Variants in TENM1 observed in about 807,000 individuals in gnomAD.
TENM1 encodes the protein teneurin-1.
A neutral mutation model predicts 174.8 loss-of-function variants in TENM1; 35 were observed. That is an observed-to-expected ratio of 0.20 (90% CI 0.15 to 0.27). TENM1 has a LOEUF of 0.27. TENM1 is among the 10% of genes least tolerant of loss of function. The pLI is 1.00. For synonymous variants in TENM1, 781 were observed against 798.7 expected, an observed-to-expected ratio of 0.98 and a Z score of 0.37; for missense variants, 1,633 against 2,130.1, an observed-to-expected ratio of 0.77 and a Z score of 4.59.
At chrX:124,545,824 T>C (rs1212890295) in intron 15 of TENM1, among the ~76,000 whole-genome samples, 1 of 111,680 alleles carries the variant, frequency 9.0e-6, no homozygotes, top group East Asian at 2.8e-4. Context: ...TGTGATTCAC[T>C]GGCAGTTGGA....
chrX:125,096,157 A>C, the TENM1 span, among the ~76,000 whole-genome samples: 1 of 111,975 alleles, frequency 8.9e-6, no homozygotes, highest in Admixed American at 9.5e-5. Flanking sequence ...AGAATGTACA[A>C]GATGACTTAG....
At chrX:124,808,733 G>A (rs1416566510) in intron 3 of TENM1, among the ~76,000 whole-genome samples, 1 of 111,677 alleles carries the variant, frequency 9.0e-6, no homozygotes, top group Non-Finnish European at 1.9e-5. Context: ...TAACCAGTGG[G>A]CCAATGATGA....
the TENM1 span, among the ~76,000 whole-genome samples, chrX:125,133,075 C>G: frequency 4.5e-5 from 5 of 110,923 alleles, no homozygotes; most frequent in South Asian, 3.9e-4. Flanking sequence ...CTCACTGCAA[C>G]CTCCGCCTCC....
chrX:124,660,552 A>G (rs2051573604), intron 6 of TENM1, among the ~76,000 whole-genome samples: 1 of 111,727 alleles, frequency 9.0e-6, no homozygotes, highest in African/African-American at 3.3e-5. Context: ...TAATTGAAAA[A>G]AGAGCAAATG....
intron 15 of TENM1, among the ~76,000 whole-genome samples, chrX:124,544,326 G>A (rs1050590236): frequency 4.4e-4 from 49 of 112,150 alleles, no homozygotes; most frequent in African/African-American, 1.3e-3. Context: ...TTCTGGGTTC[G>A]AAATCTGACT....
In TENM1 at chrX:124,757,487, T is replaced by A. The variant is rs1290866291; in HGVS notation, c.536-20290A>T. Among the ~76,000 whole-genome samples the A allele has an allele frequency of 2.7e-5, 3 of 112,509 alleles. No individual in the cohort carries two copies. In the East Asian group the frequency reaches 8.4e-4, roughly 32 times the overall value. On this transcript the variant is annotated intron_variant, in intron 3 of 31. Coordinates refer to ENST00000422452, the Ensembl canonical transcript of TENM1. ...TCGCCGTGCTTCGGCTCGCACACGGTGCACTGCACCCACTGTCCTGCACCC... is the reference window on the plus strand; with the variant it reads ...TCGCCGTGCTTCGGCTCGCACACGGAGCACTGCACCCACTGTCCTGCACCC...
chrX:124,465,559 T>C (rs1465457592), intron 22 of TENM1, among the ~76,000 whole-genome samples: 4 of 112,072 alleles, frequency 3.6e-5, no homozygotes, highest in African/African-American at 1.3e-4. Context: ...ATCTTAGTTA[T>C]GCCTTATTCC....
At chrX:124,664,986 G>A (rs752843925) in intron 6 of TENM1, among the ~76,000 whole-genome samples, 9 of 111,545 alleles carry the variant, frequency 8.1e-5, no homozygotes, top group Non-Finnish European at 1.3e-4. Context: ...TATGTCTATT[G>A]TCTATTGCGC....
chrX:124,985,465 A>T, the TENM1 span, among the ~76,000 whole-genome samples: 2 of 112,214 alleles, frequency 1.8e-5, no homozygotes, highest in Non-Finnish European at 3.8e-5. Context: ...ACACATGGGT[A>T]ATATCCACTA....
At chrX:124,565,125 A>G (rs1022388406) in intron 12 of TENM1, among the ~76,000 whole-genome samples, 11 of 112,186 alleles carry the variant, frequency 9.8e-5, no homozygotes. Flanking sequence ...AGTAACTCAA[A>G]GCACTTGAAA....
At chrX:124,559,225 G>A (rs1264614800) in intron 14 of TENM1, among the ~76,000 whole-genome samples, 1 of 111,853 alleles carries the variant, frequency 8.9e-6, no homozygotes, top group Non-Finnish European at 1.9e-5. Context: ...ACATAACTGA[G>A]AAATTCCTAT....
upstream of TENM1, among the ~76,000 whole-genome samples, chrX:124,965,060 T>A (rs2058707426): frequency 9.9e-6 from 1 of 101,386 alleles, no homozygotes; most frequent in South Asian, 3.7e-4. Flanking sequence ...TGATTTTTAT[T>A]GATCAATTTG....
At chrX:124,398,001 G>T (rs1295576905) in intron 27 of TENM1, among the ~76,000 whole-genome samples, 1 of 109,457 alleles carries the variant, frequency 9.1e-6, no homozygotes, top group Non-Finnish European at 1.9e-5. Context: ...GGCCCAGGCG[G>T]GCGGATCACA....
chrX:125,070,200 T>A, the TENM1 span, among the ~76,000 whole-genome samples: 3 of 109,339 alleles, frequency 2.7e-5, no homozygotes, highest in Non-Finnish European at 3.8e-5. Flanking sequence ...GTAATAATAA[T>A]AATAATAATA....
intron 3 of TENM1, among the ~76,000 whole-genome samples, chrX:124,791,715 C>T (rs1003311208): frequency 1.8e-5 from 2 of 111,778 alleles, no homozygotes; most frequent in Non-Finnish European, 3.8e-5. Flanking sequence ...CACAGAATTT[C>T]ACTATTCATA....
the TENM1 span, among the ~76,000 whole-genome samples, chrX:125,179,783 T>G: frequency 1.8e-5 from 2 of 109,847 alleles, no homozygotes; most frequent in South Asian, 8.0e-4. Context: ...ATCCAGCAAT[T>G]TGTTTCTCAA....
intron 11 of TENM1, among the ~76,000 whole-genome samples, chrX:124,591,851 A>T (rs1295501869): frequency 8.9e-6 from 1 of 111,993 alleles, no homozygotes; most frequent in East Asian, 2.8e-4. Flanking sequence ...CCTCTCCCAG[A>T]ATGCCAAAAA....
chrX:124,593,685 G>A (rs1272267276), intron 11 of TENM1, among the ~76,000 whole-genome samples: 2 of 111,827 alleles, frequency 1.8e-5, no homozygotes, highest in African/African-American at 3.3e-5. Context: ...AGTGGAGAGG[G>A]CTCTGCTGCA....
At position 124,953,558 on chromosome X, in the gene TENM1, G is replaced by GA. The variant is rs758388728; in HGVS notation, c.217+9978dup. Reference sequence around the variant, plus strand: ...ATAAATGGGTCCTAAAGTATTAAAAGAAAAAAAGACAAAGCTCTTTTTCCC... The same window carrying GA: ...ATAAATGGGTCCTAAAGTATTAAAAGAAAAAAAAGACAAAGCTCTTTTTCCC... On this transcript the variant is annotated intron_variant, in intron 1 of 31. Transcript: ENST00000422452. Among the ~76,000 whole-genome samples, 468 of 111,218 alleles carry GA rather than the reference G, an allele frequency of 4.2e-3. 8 individuals carry two copies. Among genetic ancestry groups the GA allele is most frequent in the African/African-American group, 0.013 (398 of 30,685 alleles).
Sources: allele counts gnomAD v4.1 joint callset (sites outside exome capture counted in the v4.1 genomes callset), GRCh38; gene constraint gnomAD v4.1.1; transcripts MANE v1.5; gene names NCBI Gene and HGNC (gene_info 2026-07-23, HGNC 2026-07-21).